The following MED27 variants were observed in gnomAD, a reference collection of about 807,000 sequenced individuals.
MED27 encodes the protein mediator of RNA polymerase II transcription subunit 27.
MED27 carries 30 observed loss-of-function variants against 38.2 expected under a neutral mutation model. That is an observed-to-expected ratio of 0.79 (90% CI 0.59 to 1.07). The LOEUF (loss-of-function observed/expected upper bound fraction) is 1.07. Ranked by LOEUF, MED27 falls within the 50% of genes least tolerant of loss-of-function variation. The pLI is 0.00. For missense variants in MED27, 289 were observed against 397.5 expected, an observed-to-expected ratio of 0.73 and a Z score of 2.32; for synonymous variants, 122 against 153.5, an observed-to-expected ratio of 0.79 and a Z score of 1.52.
chr9:131,878,893 A>G (rs1293282973), intron 6 of MED27, among the ~76,000 whole-genome samples: 1 of 151,574 alleles, frequency 6.6e-6, no homozygotes, highest in Non-Finnish European at 1.5e-5. Context: ...CTGGCTATAA[A>G]AAGCTTCTTC....
At chr9:131,966,171 T>C (rs1028021737) in intron 3 of MED27, among the ~76,000 whole-genome samples, 1 of 124,678 alleles carries the variant, frequency 8.0e-6, no homozygotes, top group Non-Finnish European at 1.6e-5. Context: ...GAGATCAGTC[T>C]GGGAAACACA....
At chr9:131,989,301 A>C (rs1831921623) in intron 3 of MED27, among the ~76,000 whole-genome samples, 1 of 152,214 alleles carries the variant, frequency 6.6e-6, no homozygotes, top group Non-Finnish European at 1.5e-5. Context: ...ACAAGCTAGG[A>C]AACAGGTCTG....
intron 6 of MED27, among the ~76,000 whole-genome samples, chr9:131,882,251 G>T (rs1446726871): frequency 6.6e-6 from 1 of 152,134 alleles, no homozygotes; most frequent in African/African-American, 2.4e-5. Flanking sequence ...GGGCACTGTG[G>T]ATTATGTACA....
intron 4 of MED27, among the ~76,000 whole-genome samples, chr9:131,904,708 G>C (rs1312245545): frequency 6.6e-6 from 1 of 152,050 alleles, no homozygotes. Context: ...GTGAACTGGG[G>C]TCATTTGCTA....
At chr9:131,879,558 C>T (rs1838999031) in intron 6 of MED27, among the ~76,000 whole-genome samples, 1 of 152,204 alleles carries the variant, frequency 6.6e-6, no homozygotes, top group Non-Finnish European at 1.5e-5. Flanking sequence ...ATAGCTGTGG[C>T]ACCTCCCACC....
chr9:132,020,824 T>A (rs1382771274), intron 2 of MED27, among the ~76,000 whole-genome samples: 1 of 152,210 alleles, frequency 6.6e-6, no homozygotes, highest in Non-Finnish European at 1.5e-5. Context: ...CCTCCTTTTA[T>A]CTCCTAATGC....
chr9:132,051,408 G>T lies in MED27; in HGVS notation c.348+26034C>A, dbSNP rs1363510455. Among the ~76,000 whole-genome samples, 1 of 152,216 alleles carries T rather than the reference G, an allele frequency of 6.6e-6. No homozygotes were observed. Among genetic ancestry groups the T allele is most frequent in the Non-Finnish European group, 1.5e-5 (1 of 68,046 alleles). ...AAAAAGAGGGCTTGTCTTGGCCACA[G>T]AGTCCAAGGCTCCCTGTCTCAGAGG... On this transcript the variant is annotated intron_variant, in intron 2 of 7. Coordinates refer to ENST00000292035, the MANE Select transcript of MED27 (RefSeq NM_004269.4). This position sits in a 1 kb window ranked among gnomAD's most constrained non-coding sequence, Gnocchi z 4.2.
intron 4 of MED27, among the ~76,000 whole-genome samples, chr9:131,901,556 C>T (rs1393697887): frequency 1.3e-5 from 2 of 152,314 alleles, no homozygotes; most frequent in East Asian, 3.9e-4. Context: ...AGGGCACTGC[C>T]TCACTGAGCT....
chr9:131,977,781 T>C (rs1240091082), intron 3 of MED27, among the ~76,000 whole-genome samples: 1 of 152,202 alleles, frequency 6.6e-6, no homozygotes, highest in African/African-American at 2.4e-5. Flanking sequence ...TGAGGGGTGC[T>C]AGACAACCAG....
intron 2 of MED27, among the ~76,000 whole-genome samples, chr9:132,024,385 A>G (rs1832775401): frequency 6.6e-6 from 1 of 152,202 alleles, no homozygotes; most frequent in Non-Finnish European, 1.5e-5. Flanking sequence ...CCTTAAGCAC[A>G]GTGTCCAGCA....
intron 4 of MED27, among the ~76,000 whole-genome samples, chr9:131,898,703 C>A (rs1009503478): frequency 6.6e-6 from 1 of 151,604 alleles, no homozygotes; most frequent in Non-Finnish European, 1.5e-5. Flanking sequence ...TCCTTCCTTG[C>A]CTTTTCTAGT....
intron 3 of MED27, among the ~76,000 whole-genome samples, chr9:131,955,613 T>A (rs1033445138): frequency 1.3e-5 from 2 of 152,228 alleles, no homozygotes; most frequent in Admixed American, 6.5e-5. Context: ...GAGAATACTA[T>A]GAACCAATCT....
intron 4 of MED27, among the ~76,000 whole-genome samples, chr9:131,909,518 T>C (rs1397971278): frequency 6.6e-6 from 1 of 152,152 alleles, no homozygotes; most frequent in Non-Finnish European, 1.5e-5. Flanking sequence ...CAAGTCCAGG[T>C]GAAGGTGGTC....
At chr9:131,904,949 C>G (rs555738193) in intron 4 of MED27, among the ~76,000 whole-genome samples, 5 of 152,266 alleles carry the variant, frequency 3.3e-5, no homozygotes, top group Admixed American at 3.3e-4. Flanking sequence ...TATCTCATCT[C>G]GTCTCCCTTT....
intron 5 of MED27, among the ~76,000 whole-genome samples, chr9:131,891,852 G>A (rs1284180987): frequency 6.6e-6 from 1 of 152,130 alleles, no homozygotes; most frequent in East Asian, 1.9e-4. Flanking sequence ...GGAGCGAGAG[G>A]GGTGGAGAGG....
At chr9:131,901,495 A>G (rs986019277) in intron 4 of MED27, among the ~76,000 whole-genome samples, 2 of 152,196 alleles carry the variant, frequency 1.3e-5, no homozygotes, top group Non-Finnish European at 2.9e-5. Context: ...GAGGGCACCT[A>G]AAGTGCTCTG....
intron 2 of MED27, among the ~76,000 whole-genome samples, chr9:132,037,102 G>A (rs1469644261): frequency 6.6e-6 from 1 of 152,200 alleles, no homozygotes; most frequent in Admixed American, 6.5e-5. Flanking sequence ...CTGGGCACAG[G>A]TGAACGCTCA....
intron 3 of MED27, among the ~76,000 whole-genome samples, chr9:131,975,713 A>G (rs1321707272): frequency 6.6e-6 from 1 of 152,218 alleles, no homozygotes; most frequent in African/African-American, 2.4e-5. Context: ...GAAAGGAACG[A>G]TGGAGAAACA....
At chr9:132,031,841 C>T (rs527425413) in intron 2 of MED27, 9 of 152,046 alleles carry the variant, frequency 5.9e-5, no homozygotes, top group African/African-American at 2.2e-4. Flanking sequence ...AAAATGGAAG[C>T]CCCTACACAC....
Sources: allele counts gnomAD v4.1 joint callset (sites outside exome capture counted in the v4.1 genomes callset), GRCh38; gene constraint gnomAD v4.1.1; non-coding constraint Gnocchi (gnomAD v3.1); transcripts MANE v1.5; gene names NCBI Gene and HGNC (gene_info 2026-07-23, HGNC 2026-07-21).